Variants in GLIS3 observed in about 807,000 individuals in gnomAD.
GLIS3 encodes GLIS family zinc finger 3, also known as zinc finger protein GLIS3.
Under a neutral mutation model 78.6 loss-of-function variants are expected in GLIS3, and 53 were observed. That is an observed-to-expected ratio of 0.67 (90% CI 0.54 to 0.85). The LOEUF is 0.85. GLIS3 is among the 40% of genes least tolerant of loss of function. The pLI is 0.00. For synonymous variants in GLIS3, 684 were observed against 509.9 expected (o/e 1.34, Z -4.60); for missense variants, 1,703 against 1,231.1 (o/e 1.38, Z -5.74).
chr9:4,398,745 T>C, the GLIS3 span, among the ~76,000 whole-genome samples: 17 of 152,318 alleles, frequency 1.1e-4, no homozygotes, highest in African/African-American at 4.1e-4. Flanking sequence ...TGGAGTCCAG[T>C]GGCACGATCT....
chr9:4,488,458 A>G, the GLIS3 span, among the ~76,000 whole-genome samples: 3 of 151,592 alleles, frequency 2.0e-5, no homozygotes, highest in Non-Finnish European at 4.4e-5. Flanking sequence ...TATGTTGGAC[A>G]TTTGCGTTTT....
rs1284483497 is a variant in GLIS3 at position 3,826,486 on chromosome 9, C to T, written c.*1786G>A. The T allele has an allele frequency of 6.6e-6, 1 of 152,116 alleles. No individual in the cohort carries two copies. Among genetic ancestry groups the T allele is most frequent in the Non-Finnish European group, 1.5e-5 (1 of 68,028 alleles). The allele number at this position is 152,116 out of a possible 1,614,324, so 9.4% of individuals were successfully genotyped here. On this transcript the variant is annotated 3_prime_UTR_variant, in exon 11 of 11. Transcript: ENST00000381971. Reference sequence around the variant, plus strand: ...AGCAGGTTTTTTAAAGTGGCTAACTCATCTCTTTTGCAGACTTTGACGTCT... The same window carrying T: ...AGCAGGTTTTTTAAAGTGGCTAACTTATCTCTTTTGCAGACTTTGACGTCT...
intron 4 of GLIS3, among the ~76,000 whole-genome samples, chr9:3,941,697 A>G (rs1482625835): frequency 1.3e-5 from 2 of 152,188 alleles, no homozygotes; most frequent in Non-Finnish European, 2.9e-5. Context: ...TAGAACTTAC[A>G]CTCATGGGTC....
the GLIS3 span, among the ~76,000 whole-genome samples, chr9:4,362,391 G>A: frequency 6.6e-6 from 1 of 152,200 alleles, no homozygotes; most frequent in South Asian, 2.1e-4. Context: ...CATTGATGTA[G>A]TAAGAAAACA....
chr9:4,161,264 C>T (rs537612695), intron 2 of GLIS3, among the ~76,000 whole-genome samples: 15 of 151,880 alleles, frequency 9.9e-5, no homozygotes, highest in African/African-American at 3.4e-4. Context: ...CAAAGCGAGA[C>T]CCTGTCTCAA....
chr9:4,103,232 A>G (rs1482531669), intron 4 of GLIS3, among the ~76,000 whole-genome samples: 4 of 152,182 alleles, frequency 2.6e-5, no homozygotes, highest in African/African-American at 9.7e-5. Flanking sequence ...GTAATCTTAA[A>G]ATTAAAATTA....
chr9:4,206,483 G>A (rs1050822390), intron 2 of GLIS3, among the ~76,000 whole-genome samples: 1 of 152,188 alleles, frequency 6.6e-6, no homozygotes, highest in Non-Finnish European at 1.5e-5. Context: ...AGAAAATAGA[G>A]GCGTAGCTTT....
intron 5 of GLIS3, among the ~76,000 whole-genome samples, chr9:3,935,240 G>T (rs929864257): frequency 6.6e-6 from 1 of 152,062 alleles, no homozygotes; most frequent in Non-Finnish European, 1.5e-5. Context: ...TTTTAAAAGA[G>T]CTTACTAATT....
At chr9:4,276,542 G>A (rs73382393) in intron 2 of GLIS3, among the ~76,000 whole-genome samples, 2,932 of 92,580 alleles carry the variant, frequency 0.032, 214 homozygotes, top group African/African-American at 0.094. Flanking sequence ...AGAAGGGGAC[G>A]GAAGGGGAGG....
chr9:4,013,441 G>C (rs1008978359), intron 4 of GLIS3, among the ~76,000 whole-genome samples: 1 of 152,150 alleles, frequency 6.6e-6, no homozygotes, highest in Non-Finnish European at 1.5e-5. Context: ...ATAATCAATT[G>C]TCTGTCCTTG....
chr9:3,901,283 C>T (rs534985269), intron 6 of GLIS3: 144 of 170,476 alleles, frequency 8.4e-4, no homozygotes, highest in Middle Eastern at 7.7e-3. Context: ...CAATTAGGCA[C>T]GCGCTTAACA....
intron 4 of GLIS3, among the ~76,000 whole-genome samples, chr9:4,083,665 T>G (rs6476804): frequency 0.41 from 62,295 of 151,988 alleles, 12,693 homozygotes; most frequent in Admixed American, 0.44. Flanking sequence ...TGTATGACAA[T>G]GTTTAAGAGT....
intron 7 of GLIS3, among the ~76,000 whole-genome samples, chr9:3,897,436 T>C (rs1366921045): frequency 7.0e-6 from 1 of 143,056 alleles, no homozygotes; most frequent in Non-Finnish European, 1.6e-5. Context: ...TGGTTTTTCA[T>C]ATATATATAT....
intron 4 of GLIS3, among the ~76,000 whole-genome samples, chr9:4,000,328 T>C (rs776065554): frequency 3.3e-5 from 5 of 152,092 alleles, no homozygotes; most frequent in African/African-American, 9.7e-5. Flanking sequence ...GGTAAAACTT[T>C]AAGGAAAAGC....
At chr9:4,237,637 A>C (rs1242433889) in intron 2 of GLIS3, among the ~76,000 whole-genome samples, 4 of 152,276 alleles carry the variant, frequency 2.6e-5, no homozygotes, top group Middle Eastern at 3.4e-3. Flanking sequence ...AATTCCATAA[A>C]TGTACATTTA....
Position 4,286,155 on chromosome 9 carries a change from G to A in GLIS3, c.271C>T (p.Leu91Phe). 1 of 1,614,222 alleles carries A rather than the reference G, an allele frequency of 6.2e-7. No homozygotes were observed. Among genetic ancestry groups the A allele is most frequent in the Non-Finnish European group, 8.5e-7 (1 of 1,180,030 alleles). The stretch of plus-strand genomic sequence containing the variant: ...TGGAATCGCGGCTTCCCATTGGTGA[G>A]CATTTGTCTCCTGGGGCTTAAGGCA... ...LPALSPRRQM[L>F]TNGKPRFQVT... is the part of the protein sequence containing the mutation. Residue 91 changes from leucine to phenylalanine, a missense_variant, in exon 2 of 11, where the codon CTC becomes TTC. Transcript: ENST00000381971.
At chr9:3,877,229 A>C (rs1821375201) in intron 8 of GLIS3, among the ~76,000 whole-genome samples, 1 of 151,294 alleles carries the variant, frequency 6.6e-6, no homozygotes, top group Non-Finnish European at 1.5e-5. Flanking sequence ...ACCAAACAGA[A>C]AACTATATAA....
chr9:3,987,475 G>A (rs1264087721), intron 4 of GLIS3, among the ~76,000 whole-genome samples: 1 of 151,872 alleles, frequency 6.6e-6, no homozygotes, highest in Non-Finnish European at 1.5e-5. Flanking sequence ...GCCAAGGCGG[G>A]TGGATCACCT....
At chr9:3,968,799 T>C (rs555529632) in intron 4 of GLIS3, among the ~76,000 whole-genome samples, 60 of 152,328 alleles carry the variant, frequency 3.9e-4, no homozygotes, top group African/African-American at 1.4e-3. Context: ...AGAAATTCAA[T>C]CTTTAATTCT....
Sources: allele counts gnomAD v4.1 joint callset (sites outside exome capture counted in the v4.1 genomes callset), GRCh38; gene constraint gnomAD v4.1.1; transcripts MANE v1.5; gene names NCBI Gene and HGNC (gene_info 2026-07-23, HGNC 2026-07-21).